AOAH: variants seen among roughly 807,000 people sequenced by gnomAD.
AOAH encodes acyloxyacyl hydrolase (neutrophil).
A neutral mutation model predicts 92.2 loss-of-function variants in AOAH; 64 were observed. The observed-to-expected ratio is 0.69, with a 90% confidence interval of 0.57 to 0.86. The LOEUF (loss-of-function observed/expected upper bound fraction) is 0.86, where lower values mean the gene tolerates loss of function less well. AOAH is among the 40% of genes least tolerant of loss of function. The pLI is 0.00. For missense variants in AOAH, 656 were observed against 694.6 expected, an observed-to-expected ratio of 0.94 and a Z score of 0.62; for synonymous variants, 263 against 254.5, an observed-to-expected ratio of 1.03 and a Z score of -0.32.
intron 3 of AOAH, among the ~76,000 whole-genome samples, chr7:36,662,976 C>T (rs544413100): frequency 1.4e-4 from 21 of 152,278 alleles, no homozygotes; most frequent in African/African-American, 4.6e-4. Flanking sequence ...GTGCAAGATG[C>T]ATAAGAAGTG....
intron 15 of AOAH, among the ~76,000 whole-genome samples, chr7:36,544,580 C>T (rs1401765245): frequency 6.6e-6 from 1 of 152,152 alleles, no homozygotes; most frequent in East Asian, 1.9e-4. Context: ...GATGTGAAAA[C>T]CAGCCTGTGG....
rs778418726 is a variant in AOAH at position 36,621,711 on chromosome 7, T to C, written c.652A>G (p.Arg218Gly). Residue 218 changes from arginine (R) to glycine (G), a missense_variant and splice_region_variant, in exon 8 of 21, where the codon AGG (arginine) becomes GGG (glycine). By Grantham distance (125) the Arg-to-Gly change is moderately radical. Transcript: ENST00000617537. ...TCAGCAACCAGCAGAAATAGTTACC[T>C]TCTACCTGGGTACACTGACTCGTCG... ...DSDESVYPGR[R>G]PNNWDVHQDS... The C allele has an allele frequency of 6.8e-6, 11 of 1,614,046 alleles. No individual in the cohort carries two copies. In the East Asian group the frequency reaches 2.5e-4, roughly 36 times the overall value.
chr7:36,646,167 T>C (rs1794213654), intron 4 of AOAH, among the ~76,000 whole-genome samples: 1 of 152,250 alleles, frequency 6.6e-6, no homozygotes, highest in Non-Finnish European at 1.5e-5. Flanking sequence ...AAACATCGTA[T>C]AGAGTTTATC....
At chr7:36,515,118 TCACACACCCCCA>T (rs969143826) in intron 20 of AOAH, among the ~76,000 whole-genome samples, 5 of 107,830 alleles carry the variant, frequency 4.6e-5, no homozygotes, top group Admixed American at 3.7e-4. Context: ...ACACACATAA[TCACACACCCCCA>T]CACACACACC....
intron 3 of AOAH, among the ~76,000 whole-genome samples, chr7:36,660,156 GCTGA>G (rs1194755328): frequency 6.6e-6 from 1 of 151,942 alleles, no homozygotes; most frequent in Non-Finnish European, 1.5e-5. Flanking sequence ...ATCTCCCTTC[GCTGA>G]CTGTCTTTTC....
chr7:36,545,912 G>A (rs1429148705), intron 15 of AOAH, among the ~76,000 whole-genome samples: 1 of 152,220 alleles, frequency 6.6e-6, no homozygotes, highest in Non-Finnish European at 1.5e-5. Context: ...CCAAGGTTCT[G>A]CTGCTGTAGC....
intron 10 of AOAH, 92 bp downstream of exon 10, chr7:36,618,205 G>T: frequency 1.8e-6 from 2 of 1,095,784 alleles, no homozygotes; most frequent in Non-Finnish European, 2.8e-6. Context: ...CATCAAGCAC[G>T]TTCTGACTTA....
chr7:36,517,818 C>T (rs1783882887), intron 20 of AOAH, among the ~76,000 whole-genome samples: 1 of 151,592 alleles, frequency 6.6e-6, no homozygotes, highest in Admixed American at 6.6e-5. Flanking sequence ...CCAGGCTGGT[C>T]TCGAACTCCT....
intron 1 of AOAH, among the ~76,000 whole-genome samples, chr7:36,721,242 G>A (rs1457120766): frequency 6.6e-6 from 1 of 152,160 alleles, no homozygotes; most frequent in East Asian, 1.9e-4. Flanking sequence ...ACTGTTTGAT[G>A]TGGGAATTCC....
chr7:36,515,529 A>ACACACACCC (rs1783598356), intron 20 of AOAH, among the ~76,000 whole-genome samples: 2 of 8,762 alleles, frequency 2.3e-4, no homozygotes, highest in South Asian at 5.6e-3. Flanking sequence ...CACACACACC[A>ACACACACCC]CACCCTTCAC....
chr7:36,557,718 G>A (rs1399358010), intron 13 of AOAH, among the ~76,000 whole-genome samples: 3 of 151,962 alleles, frequency 2.0e-5, no homozygotes, highest in Admixed American at 2.0e-4. Context: ...TTCCCTTCTT[G>A]CTTCATTTCA....
intron 11 of AOAH, among the ~76,000 whole-genome samples, chr7:36,594,951 C>A (rs903793817): frequency 1.3e-5 from 2 of 152,064 alleles, no homozygotes; most frequent in African/African-American, 4.8e-5. Context: ...CAAAAATGCA[C>A]GTGTATTTAA....
chr7:36,600,601 G>A (rs958973977), intron 11 of AOAH, among the ~76,000 whole-genome samples: 4 of 152,026 alleles, frequency 2.6e-5, no homozygotes, highest in Admixed American at 6.5e-5. Flanking sequence ...TAGTAGGGCT[G>A]GGATTTGAGC....
chr7:36,596,519 A>G (rs1029669608), intron 11 of AOAH, among the ~76,000 whole-genome samples: 1 of 152,164 alleles, frequency 6.6e-6, no homozygotes, highest in African/African-American at 2.4e-5. Flanking sequence ...CCAGTCCAGT[A>G]TGACTGGTCC....
intron 12 of AOAH, among the ~76,000 whole-genome samples, chr7:36,586,301 A>C (rs1241531264): frequency 6.6e-6 from 1 of 152,096 alleles, no homozygotes; most frequent in Non-Finnish European, 1.5e-5. Flanking sequence ...TCCTGAACCC[A>C]TTCTTTCCAA....
At chr7:36,649,866 G>C (rs1238180979) in intron 4 of AOAH, among the ~76,000 whole-genome samples, 1 of 152,174 alleles carries the variant, frequency 6.6e-6, no homozygotes, top group Non-Finnish European at 1.5e-5. Flanking sequence ...GCCCATTGCC[G>C]CTCTCCATTG....
intron 4 of AOAH, among the ~76,000 whole-genome samples, chr7:36,651,530 T>C (rs1794578081): frequency 6.6e-6 from 1 of 152,198 alleles, no homozygotes; most frequent in African/African-American, 2.4e-5. Flanking sequence ...GTGGTTTCAT[T>C]GTTACTGAGA....
At chr7:36,621,666 T>G (rs562687798) in intron 8 of AOAH, 44 bp downstream of exon 8, 65 of 1,586,940 alleles carry the variant, frequency 4.1e-5, no homozygotes, top group South Asian at 2.3e-4. Flanking sequence ...TGCTTCCTTT[T>G]CTGAAGATAA....
intron 1 of AOAH, among the ~76,000 whole-genome samples, chr7:36,702,695 C>A (rs73344097): frequency 4.6e-5 from 7 of 152,264 alleles, no homozygotes; most frequent in African/African-American, 1.7e-4. Flanking sequence ...ATCATCTGAG[C>A]CTTCAGCAAG....
Sources: allele counts gnomAD v4.1 joint callset (sites outside exome capture counted in the v4.1 genomes callset), GRCh38; gene constraint gnomAD v4.1.1; transcripts MANE v1.5; gene names NCBI Gene and HGNC (gene_info 2026-07-23, HGNC 2026-07-21).